The following CFAP54 variants were observed in gnomAD, a reference collection of about 807,000 sequenced individuals.
CFAP54 encodes the protein cilia and flagella associated protein 54, also known as cilia- and flagella-associated protein 54.
CFAP54 carries 290 observed loss-of-function variants against 370.4 expected under a neutral mutation model. The observed-to-expected ratio is 0.78, with a 90% CI of 0.71 to 0.86. The LOEUF (loss-of-function observed/expected upper bound fraction) is 0.86, where lower values mean the gene tolerates loss of function less well. Ranked by LOEUF, CFAP54 falls within the 40% of genes least tolerant of loss-of-function variation. CFAP54 has a pLI of 0.00. For missense variants in CFAP54, 3,399 were observed against 3,528.7 expected (o/e 0.96, Z 0.93); for synonymous variants, 1,206 against 1,236.5 (o/e 0.98, Z 0.52).
chr12:96,657,788 T>C, intron 36 of CFAP54, 94 bp from the exon 37 acceptor site: 1 of 917,562 alleles, frequency 1.1e-6, no homozygotes, highest in Non-Finnish European at 1.7e-6. Context: ...TTGAGTTCTT[T>C]TCCATGTTAC....
At chr12:96,861,052 C>T (rs1184653640) in intron 67 of CFAP54, 100 bp downstream of exon 67, 8 of 836,756 alleles carry the variant, frequency 9.6e-6, no homozygotes, top group Non-Finnish European at 1.7e-6. Context: ...TGTTTTTTTA[C>T]ACAAGCTAAA....
intron 4 of CFAP54, among the ~76,000 whole-genome samples, chr12:96,509,101 A>T (rs775129891): frequency 6.6e-6 from 1 of 152,218 alleles, no homozygotes; most frequent in Non-Finnish European, 1.5e-5. Flanking sequence ...GACAAAAACC[A>T]CATTCTCATG....
At chr12:96,697,448 A>T (rs898883344) in intron 45 of CFAP54, among the ~76,000 whole-genome samples, 1 of 152,194 alleles carries the variant, frequency 6.6e-6, no homozygotes, top group Non-Finnish European at 1.5e-5. Context: ...AAGGTGTCTT[A>T]GGCAAAGACC....
At chr12:96,554,357 G>T in intron 16 of CFAP54, 47 bp downstream of exon 16, 1 of 1,461,098 alleles carries the variant, frequency 6.8e-7, no homozygotes, top group Non-Finnish European at 9.0e-7. Flanking sequence ...TACTTAACTG[G>T]GAAGAAAACT....
chr12:96,605,505 T>C (rs1956290562), intron 26 of CFAP54, among the ~76,000 whole-genome samples: 1 of 152,180 alleles, frequency 6.6e-6, no homozygotes, highest in Non-Finnish European at 1.5e-5. Context: ...AGAGGTGAAT[T>C]CAGACTGTGC....
chr12:96,570,148 T>C (rs1955900643), intron 19 of CFAP54, among the ~76,000 whole-genome samples: 2 of 151,878 alleles, frequency 1.3e-5, no homozygotes, highest in African/African-American at 4.8e-5. Context: ...GCTGTTTGTA[T>C]TTTTTTGTAA....
chr12:96,518,995 A>C lies in CFAP54; in HGVS notation c.866A>C (p.Tyr289Ser). ...ESLVPLLSLRYLTWRATLYTA... is the reference protein window; with the variant it reads ...ESLVPLLSLRSLTWRATLYTA... Reference sequence around the variant, plus strand: ...TTGGTCCCGCTCCTGTCACTCAGGTACTTGACATGGCGCGCTACTCTCTAC... The same window carrying C: ...TTGGTCCCGCTCCTGTCACTCAGGTCCTTGACATGGCGCGCTACTCTCTAC... The change falls in exon 6 of 68, where the codon TAC becomes TCC. Residue 289 changes from tyrosine (Y) to serine (S), a missense_variant. Tyr to Ser is a moderately radical substitution (Grantham distance 144). This residue lies in a region of CFAP54 where 559 missense variants were observed against 576.7 expected (regional missense o/e 0.97). Transcript: ENST00000524981. 1 of 1,535,950 alleles carries C rather than the reference A, an allele frequency of 6.5e-7. No individual in the cohort carries two copies. Among genetic ancestry groups the C allele is most frequent in the Non-Finnish European group, 8.7e-7 (1 of 1,146,884 alleles).
At chr12:96,679,305 T>C (rs995194328) in intron 39 of CFAP54, among the ~76,000 whole-genome samples, 2 of 151,882 alleles carry the variant, frequency 1.3e-5, no homozygotes, top group Non-Finnish European at 2.9e-5. Flanking sequence ...TTTTTTATGA[T>C]CAGCAAAAGA....
chr12:96,767,365 A>G (rs1022778515), intron 60 of CFAP54, among the ~76,000 whole-genome samples: 5 of 152,220 alleles, frequency 3.3e-5, no homozygotes, highest in Non-Finnish European at 4.4e-5. Flanking sequence ...AAACAAAACC[A>G]TGTTTGTTGA....
At chr12:96,870,319 G>A (rs925196397) in intron 67 of CFAP54, among the ~76,000 whole-genome samples, 3 of 152,030 alleles carry the variant, frequency 2.0e-5, no homozygotes, top group African/African-American at 7.2e-5. Context: ...AAGTTACTTA[G>A]TTGAATTCTC....
intron 58 of CFAP54, among the ~76,000 whole-genome samples, chr12:96,759,291 G>GAA (rs35885233): frequency 7.1e-6 from 1 of 141,602 alleles, no homozygotes; most frequent in Non-Finnish European, 1.6e-5. Flanking sequence ...TCCAGTAACA[G>GAA]AAAAAAAAAA....
intron 55 of CFAP54, among the ~76,000 whole-genome samples, chr12:96,748,519 CT>C (rs1246603472): frequency 1.3e-5 from 2 of 152,028 alleles, no homozygotes; most frequent in African/African-American, 4.8e-5. Flanking sequence ...TTTTCTCTTT[CT>C]TTTTAAGTGT....
chr12:96,521,918 C>T lies in CFAP54; in HGVS notation c.1004C>T (p.Ser335Phe). ...TTAAGGCAACTGGAATTAATGAGTT[C>T]CTCAAAATCCCAGGAAGAATCGCGA... is the stretch of plus-strand genomic sequence containing the variant. ...DELRQLELMS[S>F]SKSQEESRRY... Residue 335 changes from serine to phenylalanine, a missense_variant, in exon 7 of 68, where the codon TCC becomes TTC. Around this residue, in one of 3 missense-constraint regions of CFAP54, gnomAD observed 559 missense variants for 576.7 expected, o/e 0.97. Transcript: ENST00000524981. The T allele has an allele frequency of 1.3e-6, 2 of 1,534,622 alleles. No homozygotes were observed. The highest frequency in any genetic ancestry group is 1.7e-6 in the Non-Finnish European group (2 of 1,145,704).
intron 48 of CFAP54, among the ~76,000 whole-genome samples, chr12:96,713,653 AAGTGCTTTGGAAAGC>A: frequency 6.6e-6 from 1 of 152,342 alleles, no homozygotes; most frequent in Middle Eastern, 3.4e-3. Context: ...ACATGGTAAC[AAGTGCTTTGGAAAGC>A]AGGAAAGGGG....
In CFAP54 at chr12:96,598,767, G is replaced by A; in HGVS notation, c.3639G>A (p.Lys1213=). The change falls in exon 26 of 68, where the codon AAG becomes AAA. Residue 1213 remains lysine (K), a splice_region_variant and synonymous_variant. Coordinates refer to ENST00000524981, the MANE Select transcript of CFAP54 (RefSeq NM_001306084.2). ...MIACCIFYIT[K]ILRSWREYDL... ...CTTGTTGTATTTTCTACATAACAAA[G>A]GTATTTATCTCATTCTTTATCTAGT... 1 of 596,622 alleles carries A rather than the reference G, an allele frequency of 1.7e-6. No homozygotes were observed. Among genetic ancestry groups the A allele is most frequent in the South Asian group, 2.2e-5 (1 of 45,730 alleles). 37.0% of individuals were successfully genotyped at this position (596,622 alleles called of 1,614,324 possible).
chr12:96,553,864 A>C (rs1346341739), intron 15 of CFAP54, among the ~76,000 whole-genome samples: 2 of 152,112 alleles, frequency 1.3e-5, no homozygotes, highest in African/African-American at 4.8e-5. Flanking sequence ...GAACTCTTTT[A>C]AAAATGTACC....
At chr12:96,586,017 T>C (rs546278425) in intron 22 of CFAP54, among the ~76,000 whole-genome samples, 1 of 152,242 alleles carries the variant, frequency 6.6e-6, no homozygotes, top group South Asian at 2.1e-4. Context: ...CTGCTGGGTG[T>C]CCTTCTCTGT....
intron 50 of CFAP54, among the ~76,000 whole-genome samples, chr12:96,728,576 G>A (rs1020276013): frequency 1.3e-3 from 199 of 152,180 alleles, no homozygotes; most frequent in Admixed American, 2.2e-3. Flanking sequence ...TTATACATTC[G>A]TCTAAATTTT....
At chr12:96,665,465 A>G (rs960621907) in intron 39 of CFAP54, among the ~76,000 whole-genome samples, 6 of 152,176 alleles carry the variant, frequency 3.9e-5, no homozygotes, top group African/African-American at 7.2e-5. Context: ...TTTGCAATTA[A>G]GTCTTTAATC....
Sources: gnomAD v4.1 joint callset for allele counts (sites outside exome capture counted in the v4.1 genomes callset) on GRCh38, gnomAD v4.1.1 for gene constraint, gnomAD v4.1.1 regional missense constraint, MANE v1.5 for transcripts, NCBI Gene and HGNC (gene_info 2026-07-23, HGNC 2026-07-21) for gene names.